NRXN3: variants seen among roughly 807,000 people sequenced by gnomAD.
NRXN3 encodes neurexin III.
Under a neutral mutation model 137.6 loss-of-function variants are expected in NRXN3, and 32 were observed. That is an observed-to-expected ratio of 0.23 (90% CI 0.18 to 0.31). NRXN3 has a LOEUF of 0.31. Among genes scored for constraint, NRXN3 ranks in the 10% least tolerant of loss-of-function variants. NRXN3 has a pLI of 1.00. For synonymous variants in NRXN3, 798 were observed against 784.5 expected (o/e 1.02, Z -0.29); for missense variants, 1,574 against 2,062.5 (o/e 0.76, Z 4.59).
chr14:79,300,352 T>C (rs2084929575), intron 15 of NRXN3, among the ~76,000 whole-genome samples: 1 of 152,108 alleles, frequency 6.6e-6, no homozygotes, highest in Non-Finnish European at 1.5e-5. Context: ...AAGTTGTGTT[T>C]AAAATGGGCA....
chr14:79,094,476 A>G (rs2049856970), intron 15 of NRXN3, among the ~76,000 whole-genome samples: 1 of 152,222 alleles, frequency 6.6e-6, no homozygotes, highest in Non-Finnish European at 1.5e-5. Flanking sequence ...TTGAATCACA[A>G]TGGAATACAT....
At chr14:78,818,573 T>C (rs930262181) in intron 10 of NRXN3, among the ~76,000 whole-genome samples, 2 of 152,080 alleles carry the variant, frequency 1.3e-5, no homozygotes, top group Non-Finnish European at 1.5e-5. Flanking sequence ...CAAATAAATA[T>C]TTTCATGAAG....
intron 15 of NRXN3, among the ~76,000 whole-genome samples, chr14:79,098,751 G>A (rs983166171): frequency 1.3e-5 from 2 of 152,176 alleles, no homozygotes; most frequent in Non-Finnish European, 2.9e-5. Flanking sequence ...CATCAGCAAG[G>A]AACTGGAATT....
chr14:78,926,490 C>T (rs910860059), intron 10 of NRXN3, among the ~76,000 whole-genome samples: 1 of 147,106 alleles, frequency 6.8e-6, no homozygotes, highest in Non-Finnish European at 1.5e-5. Context: ...CCTGTAATGC[C>T]AGCACTTTGA....
chr14:79,268,894 C>G (rs1177218299), intron 15 of NRXN3, among the ~76,000 whole-genome samples: 1 of 151,950 alleles, frequency 6.6e-6, no homozygotes. Context: ...TCTAGAATGC[C>G]TTTGTTTAAT....
At chr14:78,579,259 T>A (rs1455633168) in intron 4 of NRXN3, among the ~76,000 whole-genome samples, 1 of 152,234 alleles carries the variant, frequency 6.6e-6, no homozygotes, top group Non-Finnish European at 1.5e-5. Context: ...AGATCATTGT[T>A]GGCTGCTTCT....
intron 4 of NRXN3, among the ~76,000 whole-genome samples, chr14:78,541,759 C>T (rs2096591620): frequency 6.6e-6 from 1 of 152,168 alleles, no homozygotes. Flanking sequence ...GCTTTCATCC[C>T]ACCTTTGGTC....
intron 4 of NRXN3, among the ~76,000 whole-genome samples, chr14:78,322,649 G>A (rs571502342): frequency 2.0e-5 from 3 of 151,952 alleles, no homozygotes; most frequent in East Asian, 1.9e-4. Context: ...CCTGGCATTC[G>A]GTACTTCACA....
intron 4 of NRXN3, among the ~76,000 whole-genome samples, chr14:78,388,347 T>A (rs2090281926): frequency 6.6e-6 from 1 of 152,142 alleles, no homozygotes; most frequent in African/African-American, 2.4e-5. Context: ...ATTGTCTTAG[T>A]CATGAGTGAG....
chr14:79,375,201 G>A (rs948977594), intron 15 of NRXN3, among the ~76,000 whole-genome samples: 1 of 145,718 alleles, frequency 6.9e-6, no homozygotes, highest in Admixed American at 6.9e-5. Flanking sequence ...GTCATTTAAT[G>A]TTCTTGGACT....
At chr14:79,497,020 A>C (rs2096773830) in intron 16 of NRXN3, among the ~76,000 whole-genome samples, 1 of 152,232 alleles carries the variant, frequency 6.6e-6, no homozygotes, top group African/African-American at 2.4e-5. Context: ...GAGGGGAGCC[A>C]ACAGGCCTGG....
At chr14:79,367,231 C>G (rs1030480391) in intron 15 of NRXN3, among the ~76,000 whole-genome samples, 1 of 152,180 alleles carries the variant, frequency 6.6e-6, no homozygotes, top group Non-Finnish European at 1.5e-5. Context: ...GATCCACCAG[C>G]CTCAGCCTCC....
At chr14:78,756,236 C>G (rs981863974) in intron 8 of NRXN3, among the ~76,000 whole-genome samples, 1 of 152,080 alleles carries the variant, frequency 6.6e-6, no homozygotes, top group Non-Finnish European at 1.5e-5. Context: ...GTCTGTAATC[C>G]TAGCACTTTA....
chr14:78,910,466 A>G (rs868184109), intron 10 of NRXN3, among the ~76,000 whole-genome samples: 26 of 152,176 alleles, frequency 1.7e-4, no homozygotes, highest in South Asian at 6.2e-4. Context: ...CAACCAAATC[A>G]TGACTATTTG....
intron 4 of NRXN3, among the ~76,000 whole-genome samples, chr14:78,420,726 T>C (rs2093407571): frequency 6.6e-6 from 1 of 152,192 alleles, no homozygotes; most frequent in Non-Finnish European, 1.5e-5. Flanking sequence ...TAATGACAAT[T>C]GGAAAATTAA....
chr14:79,409,465 C>T (rs2095374283), intron 15 of NRXN3, among the ~76,000 whole-genome samples: 2 of 149,468 alleles, frequency 1.3e-5, no homozygotes, highest in South Asian at 4.2e-4. Context: ...TATACATATA[C>T]ATATATAGGA....
At chr14:79,280,646 T>G (rs926937242) in intron 15 of NRXN3, 15 of 1,142,286 alleles carry the variant, frequency 1.3e-5, no homozygotes, top group Non-Finnish European at 1.7e-5. Context: ...AAAATGAATT[T>G]AAAATGATGA....
At chr14:78,739,911 C>T (rs1457660585) in intron 8 of NRXN3, among the ~76,000 whole-genome samples, 1 of 152,134 alleles carries the variant, frequency 6.6e-6, no homozygotes, top group Non-Finnish European at 1.5e-5. Context: ...TCTAACCCTA[C>T]CTTAACAAAC....
At chr14:79,470,008 A>G (rs150325693) in intron 16 of NRXN3, among the ~76,000 whole-genome samples, 1 of 152,302 alleles carries the variant, frequency 6.6e-6, no homozygotes, top group African/African-American at 2.4e-5. Flanking sequence ...TTATTAAGAT[A>G]CTTTTATAAC....
Sources: allele counts gnomAD v4.1 joint callset (sites outside exome capture counted in the v4.1 genomes callset), GRCh38; gene constraint gnomAD v4.1.1; transcripts MANE v1.5; gene names NCBI Gene and HGNC (gene_info 2026-07-23, HGNC 2026-07-21).